Variants in TRPM3 observed in about 807,000 individuals in gnomAD.
The protein encoded by TRPM3 is long transient receptor potential channel 3.
Under a neutral mutation model 181.2 loss-of-function variants are expected in TRPM3, and 77 were observed. The ratio of observed to expected loss-of-function variants is 0.42; its 90% CI spans 0.35 to 0.51. The LOEUF is 0.51. TRPM3 is among the 20% of genes least tolerant of loss of function. The pLI, the probability that TRPM3 is intolerant of heterozygous loss-of-function variation, is 0.01. For synonymous variants in TRPM3, 745 were observed against 796.4 expected (o/e 0.94, Z 1.09); for missense variants, 1,759 against 2,196.7 (o/e 0.80, Z 3.98).
chr9:70,893,635 C>T (rs2096243156), intron 1 of TRPM3, among the ~76,000 whole-genome samples: 1 of 151,232 alleles, frequency 6.6e-6, no homozygotes, highest in African/African-American at 2.4e-5. Flanking sequence ...GCCCTATACT[C>T]CTATCTACTG....
chr9:70,536,192 C>T lies in TRPM3; in HGVS notation c.4921G>A (p.Val1641Ile). Reference protein sequence around the residue: ...SERTLSNNITVPKIERANSYS... With the variant: ...SERTLSNNITIPKIERANSYS... ...CTGTTGGCGCGCTCTATCTTGGGAA[C>T]AGTGATGTTGTTGGACAGGGTTCTC... The change falls in exon 26 of 26, where the codon GTT becomes ATT. Residue 1641 changes from valine (V) to isoleucine (I), a missense_variant. This residue lies in a region of TRPM3 where 612 missense variants were observed against 590.0 expected (regional missense o/e 1.04). Transcript: ENST00000677713. 1.2e-6 allele frequency: 2 copies of T among 1,614,202 alleles called. No homozygotes were observed. Among genetic ancestry groups the T allele is most frequent in the South Asian group, 1.1e-5 (1 of 91,086 alleles).
At chr9:71,121,665 G>C, upstream of TRPM3, 1 of 1,123,522 alleles carries the variant, frequency 8.9e-7, no homozygotes. Context: ...CGCAGGTCAG[G>C]CGTTGGGGGG....
chr9:70,898,185 C>G (rs1356389530), intron 1 of TRPM3, among the ~76,000 whole-genome samples: 1 of 151,106 alleles, frequency 6.6e-6, no homozygotes, highest in Non-Finnish European at 1.5e-5. Context: ...TGCAGTGGCG[C>G]GATCTCGGCT....
chr9:71,437,170 T>C (rs11142831), intron 1 of TRPM3, among the ~76,000 whole-genome samples: 10,644 of 152,226 alleles, frequency 0.07, 462 homozygotes, highest in East Asian at 0.16. Context: ...ATTACATGAA[T>C]TATAACTCAG....
chr9:71,433,411 A>C (rs2093987116), intron 1 of TRPM3, among the ~76,000 whole-genome samples: 2 of 152,162 alleles, frequency 1.3e-5, no homozygotes, highest in African/African-American at 4.8e-5. Flanking sequence ...CCGTGTGAAG[A>C]AGGACATGTT....
chr9:71,093,176 G>A (rs1191586361), intron 1 of TRPM3, among the ~76,000 whole-genome samples: 1 of 151,936 alleles, frequency 6.6e-6, no homozygotes, highest in Non-Finnish European at 1.5e-5. Context: ...TAGGCATGGG[G>A]AAAGACTTCA....
chr9:71,406,151 A>G (rs925519427), intron 1 of TRPM3, among the ~76,000 whole-genome samples: 2 of 152,174 alleles, frequency 1.3e-5, no homozygotes, highest in African/African-American at 4.8e-5. Context: ...AGCTCCCTTT[A>G]TGAAAAGATC....
intron 7 of TRPM3, among the ~76,000 whole-genome samples, chr9:70,781,808 G>A (rs976626589): frequency 6.6e-6 from 1 of 151,916 alleles, no homozygotes; most frequent in Admixed American, 6.6e-5. Context: ...ATTAAAGCAG[G>A]AAGGGCAATC....
chr9:71,101,255 G>A (rs1265887398), intron 1 of TRPM3, among the ~76,000 whole-genome samples: 4 of 152,104 alleles, frequency 2.6e-5, no homozygotes, highest in Non-Finnish European at 5.9e-5. Context: ...CTGCTCTTGA[G>A]ATGGTTGTGG....
intron 1 of TRPM3, among the ~76,000 whole-genome samples, chr9:71,401,236 T>C (rs1386136234): frequency 6.7e-6 from 1 of 148,952 alleles, no homozygotes; most frequent in Admixed American, 6.7e-5. Context: ...ATATGGCTAG[T>C]AACCTCTGCT....
At chr9:70,627,427 C>T (rs1171050274) in intron 12 of TRPM3, among the ~76,000 whole-genome samples, 1 of 152,048 alleles carries the variant, frequency 6.6e-6, no homozygotes, top group Non-Finnish European at 1.5e-5. Flanking sequence ...TGTATGCCAC[C>T]ATGCCCAGCT....
chr9:70,782,342 G>A (rs2082640739), intron 7 of TRPM3, among the ~76,000 whole-genome samples: 2 of 152,018 alleles, frequency 1.3e-5, no homozygotes, highest in South Asian at 4.1e-4. Flanking sequence ...CTCCCAAGTA[G>A]CTGGGATTAC....
chr9:70,655,104 G>A (rs2060122032), intron 9 of TRPM3, among the ~76,000 whole-genome samples: 2 of 150,054 alleles, frequency 1.3e-5, no homozygotes, highest in Admixed American at 6.6e-5. Context: ...TCAGGAGTTC[G>A]AGACCAGCCT....
intron 1 of TRPM3, among the ~76,000 whole-genome samples, chr9:71,077,566 G>A (rs980285601): frequency 3.3e-5 from 5 of 152,156 alleles, no homozygotes; most frequent in African/African-American, 1.2e-4. Flanking sequence ...GGCTAGAACT[G>A]CAAGATGTTT....
rs2041453002 is a variant in TRPM3, at chr9:70,535,183, A to G, written c.*770T>C. ...GACTAGACTTGAACGCCCACTGTAT[A>G]TAATAAATCACTTGACTTTTGTTTT... On this transcript the variant is annotated 3_prime_UTR_variant, in exon 26 of 26. Transcript: ENST00000677713. The G allele has an allele frequency of 3.8e-6, 2 of 528,868 alleles. No individual in the cohort carries two copies. Among genetic ancestry groups the G allele is most frequent in the East Asian group, 3.0e-5 (1 of 32,908 alleles). The allele number at this position is 528,868 out of a possible 1,614,324, so 32.8% of individuals were successfully genotyped here.
chr9:70,852,128 CAAAAAAAAAA>C (rs35682319), intron 3 of TRPM3, among the ~76,000 whole-genome samples: 8 of 44,912 alleles, frequency 1.8e-4, no homozygotes, highest in African/African-American at 4.1e-4. Context: ...ACTCTATCTC[CAAAAAAAAAA>C]AAAAAAAAAA....
At chr9:71,117,743 A>G (rs1340114774) in intron 1 of TRPM3, among the ~76,000 whole-genome samples, 5 of 152,196 alleles carry the variant, frequency 3.3e-5, no homozygotes, top group African/African-American at 1.2e-4. Flanking sequence ...ATTTCTCAAT[A>G]TAAAAATTTG....
At chr9:70,960,023 T>C (rs2097121654) in intron 1 of TRPM3, among the ~76,000 whole-genome samples, 1 of 152,194 alleles carries the variant, frequency 6.6e-6, no homozygotes, top group African/African-American at 2.4e-5. Context: ...TGAATTTGTT[T>C]TGCCAGAGAG....
At chr9:70,755,048 TTA>T (rs2076811953) in intron 8 of TRPM3, among the ~76,000 whole-genome samples, 1 of 152,186 alleles carries the variant, frequency 6.6e-6, no homozygotes, top group South Asian at 2.1e-4. Flanking sequence ...AAATTTGAAA[TTA>T]TAGTTATACT....
Sources: gnomAD v4.1 joint callset for allele counts (sites outside exome capture counted in the v4.1 genomes callset) on GRCh38, gnomAD v4.1.1 for gene constraint, gnomAD v4.1.1 regional missense constraint, MANE v1.5 for transcripts, NCBI Gene and HGNC (gene_info 2026-07-23, HGNC 2026-07-21) for gene names.